Variants in OTUD7B observed in about 807,000 individuals in gnomAD.
OTUD7B encodes OTU domain-containing protein 7B.
In OTUD7B, 34 loss-of-function variants were observed where a neutral mutation model predicts 82.2. The observed-to-expected ratio is 0.41, with a 90% CI of 0.31 to 0.55. The LOEUF (loss-of-function observed/expected upper bound fraction) is 0.55. Ranked by LOEUF, OTUD7B falls within the 20% of genes least tolerant of loss-of-function variation. The probability of loss-of-function intolerance (pLI) is 0.20; values close to 1 mark genes in which losing one functional copy is unlikely to be tolerated. For synonymous variants in OTUD7B, 398 were observed against 402.7 expected (o/e 0.99, Z 0.14); for missense variants, 944 against 1,062.1 (o/e 0.89, Z 1.55).
intron 1 of OTUD7B, among the ~76,000 whole-genome samples, chr1:150,009,372 T>C (rs587705591): frequency 2.0e-5 from 3 of 152,276 alleles, no homozygotes; most frequent in African/African-American, 7.2e-5. Context: ...ACCTTTGAAA[T>C]AGATTCTGAA....
intron 1 of OTUD7B, among the ~76,000 whole-genome samples, chr1:149,994,634 A>G (rs1651812302): frequency 6.6e-6 from 1 of 151,654 alleles, no homozygotes; most frequent in Non-Finnish European, 1.5e-5. Context: ...TTAAGAGACA[A>G]GAGTCTTGCT....
chr1:149,982,147 T>G (rs782776228), intron 1 of OTUD7B, among the ~76,000 whole-genome samples: 4 of 148,744 alleles, frequency 2.7e-5, no homozygotes, highest in Non-Finnish European at 4.4e-5. Context: ...AGACTCCATC[T>G]CTAAATAAAT....
Position 150,004,555 on chromosome 1 carries a change from A to G in OTUD7B, c.-67+5893T>C, listed in dbSNP as rs1444742536. On this transcript the variant is annotated intron_variant, in intron 1 of 11. Coordinates refer to ENST00000581312, the MANE Select transcript of OTUD7B (RefSeq NM_020205.4). ...AGCCTGAGCTGGACAACAGAGCAAG[A>G]CCCTGTCTCAAAAAAATAAATAAAT... Among the ~76,000 whole-genome samples, 3 of 151,766 alleles carry G rather than the reference A, an allele frequency of 2.0e-5. No homozygotes were observed. The East Asian group carries it at 5.8e-4, about 29-fold the overall frequency.
chr1:149,949,138 G>A, intron 9 of OTUD7B, 55 bp from the exon 10 acceptor site: 1 of 1,059,374 alleles, frequency 9.4e-7, no homozygotes, highest in South Asian at 1.3e-5. Flanking sequence ...AAAGGTAACT[G>A]AACACAGACT....
At chr1:149,996,085 A>G (rs1470524506) in intron 1 of OTUD7B, among the ~76,000 whole-genome samples, 4 of 152,280 alleles carry the variant, frequency 2.6e-5, no homozygotes, top group Non-Finnish European at 5.9e-5. Flanking sequence ...ACCACATTAC[A>G]ATGTTAACAA....
chr1:150,065,228 T>G, the OTUD7B span, among the ~76,000 whole-genome samples: 2 of 152,136 alleles, frequency 1.3e-5, no homozygotes, highest in Non-Finnish European at 2.9e-5. Flanking sequence ...CTGGCCACCA[T>G]GCCCAACTAA....
chr1:150,062,780 T>C, the OTUD7B span, among the ~76,000 whole-genome samples: 1 of 138,542 alleles, frequency 7.2e-6, no homozygotes, highest in African/African-American at 2.7e-5. Context: ...TGGCGCGCGA[T>C]CTCGGCTCAC....
intron 7 of OTUD7B, among the ~76,000 whole-genome samples, chr1:149,954,243 G>GT (rs1180132993): frequency 2.6e-5 from 4 of 152,146 alleles, no homozygotes; most frequent in African/African-American, 9.7e-5. Flanking sequence ...TTTATTGAGA[G>GT]TTTTTAGCAT....
chr1:150,029,667 T>C, the OTUD7B span, among the ~76,000 whole-genome samples: 2 of 152,198 alleles, frequency 1.3e-5, no homozygotes, highest in African/African-American at 4.8e-5. Flanking sequence ...GACAAGCAAT[T>C]TGGTGGTTGC....
Position 149,940,469 on chromosome 1 carries a change from T to G in OTUD7B, c.*3388A>C, listed in dbSNP as rs1397488628. On this transcript the variant is annotated 3_prime_UTR_variant, in exon 12 of 12. Transcript: ENST00000581312. ...CTATCCTACAGTAATACTTACTCCATTGGAGATGGGGCAGAGAGCACAGCA... is the reference window on the plus strand; with the variant it reads ...CTATCCTACAGTAATACTTACTCCAGTGGAGATGGGGCAGAGAGCACAGCA... 1.3e-5 allele frequency: 2 copies of G among 152,144 alleles called. No homozygotes were observed. Among genetic ancestry groups the G allele is most frequent in the Non-Finnish European group, 2.9e-5 (2 of 68,032 alleles). 9.4% of individuals were successfully genotyped at this position (152,144 alleles called of 1,614,324 possible). A position where few individuals can be genotyped will look rare whatever the true frequency, so the allele number is the denominator to read the frequency against.
intron 7 of OTUD7B, among the ~76,000 whole-genome samples, chr1:149,959,059 T>C (rs1405619318): frequency 2.0e-5 from 3 of 151,848 alleles, no homozygotes; most frequent in Non-Finnish European, 2.9e-5. Context: ...CCGTCTCTAA[T>C]AAAAATACAA....
intron 5 of OTUD7B, 121 bp from the exon 6 acceptor site, chr1:149,964,470 G>T: frequency 1.1e-6 from 1 of 912,222 alleles, no homozygotes; most frequent in Non-Finnish European, 1.6e-6. Flanking sequence ...GGCCTCAAGT[G>T]ACCCCCCTGC....
intron 1 of OTUD7B, among the ~76,000 whole-genome samples, chr1:149,985,746 G>GA (rs141800132): frequency 0.96 from 139,000 of 145,434 alleles, 66,548 homozygotes; most frequent in Non-Finnish European, 0.99. Flanking sequence ...GACCCTGTAT[G>GA]AAAAAAAAAA....
chr1:150,055,022 A>G, the OTUD7B span: 3 of 219,376 alleles, frequency 1.4e-5, no homozygotes, highest in Non-Finnish European at 2.8e-5. Flanking sequence ...TATCCTTACA[A>G]ATTGGTGTTC....
At chr1:150,056,109 A>T in the OTUD7B span, among the ~76,000 whole-genome samples, 1 of 152,202 alleles carries the variant, frequency 6.6e-6, no homozygotes, top group African/African-American at 2.4e-5. Flanking sequence ...ATGAAATTTA[A>T]GGAGTTACAG....
chr1:149,969,764 T>A (rs1649786860), intron 3 of OTUD7B, among the ~76,000 whole-genome samples: 1 of 152,190 alleles, frequency 6.6e-6, no homozygotes, highest in Non-Finnish European at 1.5e-5. Context: ...AGTGGTGCAA[T>A]CTAAGAGGTT....
intron 1 of OTUD7B, among the ~76,000 whole-genome samples, chr1:150,002,814 C>G (rs1264967004): frequency 6.6e-6 from 1 of 152,180 alleles, no homozygotes; most frequent in Admixed American, 6.5e-5. Flanking sequence ...TAAATATGAT[C>G]ACTCTCAATA....
chr1:149,990,761 C>T (rs1165745149), intron 1 of OTUD7B, among the ~76,000 whole-genome samples: 2 of 151,940 alleles, frequency 1.3e-5, no homozygotes, highest in Non-Finnish European at 2.9e-5. Context: ...TTTGGGAGGC[C>T]GAGGCAGGTG....
At chr1:150,054,678 TG>T in the OTUD7B span, 1 of 320,398 alleles carries the variant, frequency 3.1e-6, no homozygotes, top group South Asian at 2.7e-5. Flanking sequence ...TGTGGTGGCA[TG>T]GGCCTGTAAT....
Sources: gnomAD v4.1 joint callset for allele counts (sites outside exome capture counted in the v4.1 genomes callset) on GRCh38, gnomAD v4.1.1 for gene constraint, MANE v1.5 for transcripts, NCBI Gene and HGNC (gene_info 2026-07-23, HGNC 2026-07-21) for gene names.